Variants in CPVL observed in about 807,000 individuals in gnomAD.
The protein encoded by CPVL is probable serine carboxypeptidase CPVL.
CPVL carries 51 observed loss-of-function variants against 63.7 expected under a neutral mutation model. That is an observed-to-expected ratio of 0.80 (90% CI 0.64 to 1.01). The LOEUF is 1.01. CPVL is among the 50% of genes least tolerant of loss of function. The pLI, the probability that CPVL is intolerant of heterozygous loss-of-function variation, is 0.00. For missense variants in CPVL, 530 were observed against 573.1 expected, an observed-to-expected ratio of 0.92 and a Z score of 0.77; for synonymous variants, 195 against 206.0, an observed-to-expected ratio of 0.95 and a Z score of 0.46.
At chr7:29,194,904 C>G (rs1783451672) in intron 1 of CPVL, 1 of 1,506,960 alleles carries the variant, frequency 6.6e-7, no homozygotes, top group Non-Finnish European at 8.8e-7. Flanking sequence ...GCGTCCGCAC[C>G]GGGGCTGAGC....
At chr7:29,105,577 G>C (rs1584276676) in intron 3 of CPVL, among the ~76,000 whole-genome samples, 2 of 152,294 alleles carry the variant, frequency 1.3e-5, no homozygotes, top group East Asian at 3.9e-4. Context: ...CAGGGCTGGA[G>C]AAAGATTTAG....
In CPVL at chr7:29,127,419, TACAA is replaced by T. The variant is rs981770755; in HGVS notation, c.-10-6352_-10-6349del. On this transcript the variant is annotated intron_variant, in intron 1 of 12. Transcript: ENST00000265394. The stretch of plus-strand genomic sequence containing the variant: ...TATTTCTAACCAGGAAGGTAAGGGT[TACAA>T]ACAACCTTACCTTGTCATCTCATTT... 6 of 152,312 alleles carry T rather than the reference TACAA, an allele frequency of 3.9e-5. No homozygotes were observed. In the East Asian group the frequency reaches 5.8e-4, roughly 15 times the overall value. 9.4% of individuals were successfully genotyped at this position (152,312 alleles called of 1,614,324 possible).
intron 5 of CPVL, among the ~76,000 whole-genome samples, chr7:29,159,112 A>G (rs539349389): frequency 5.3e-5 from 8 of 152,240 alleles, no homozygotes; most frequent in African/African-American, 1.2e-4. Flanking sequence ...CTAATGGGCT[A>G]CACAGCACAA....
In CPVL at chr7:29,066,051, C is replaced by T. The variant is rs969664033; in HGVS notation, c.935G>A (p.Ser312Asn). 1.4e-5 allele frequency: 22 copies of T among 1,606,864 alleles called. No homozygotes were observed. The highest frequency in any genetic ancestry group is 3.4e-5 in the Admixed American group (2 of 59,596). Reference sequence around the variant, plus strand: ...GCACCGCAAAAAGTTATAGTAATTACTACATCCTGTAACATTCTGGAAGTA... The same window carrying T: ...GCACCGCAAAAAGTTATAGTAATTATTACATCCTGTAACATTCTGGAAGTA... The part of the protein sequence containing the change: ...PSYFQNVTGC[S>N]NYYNFLRCTE... The change falls in exon 10 of 13, where the codon AGT becomes AAT. Residue 312 changes from serine (S) to asparagine (N), a missense_variant. Physicochemically the swap from Ser to Asn is conservative, Grantham distance 46. Coordinates refer to ENST00000265394, the MANE Select transcript of CPVL (RefSeq NM_031311.5).
chr7:29,183,225 C>T (rs567209819), intron 4 of CPVL, among the ~76,000 whole-genome samples: 1 of 152,064 alleles, frequency 6.6e-6, no homozygotes, highest in East Asian at 1.9e-4. Context: ...GCTGGGGTTA[C>T]AGGCATATGC....
intron 11 of CPVL, among the ~76,000 whole-genome samples, chr7:29,043,739 A>G (rs917175171): frequency 6.6e-6 from 1 of 152,210 alleles, no homozygotes; most frequent in African/African-American, 2.4e-5. Flanking sequence ...TCATGGCAGG[A>G]GTGTGGGTGG....
intron 1 of CPVL, 27 bp downstream of exon 1, chr7:29,146,402 G>T: frequency 1.1e-6 from 1 of 896,874 alleles, no homozygotes. Context: ...GAGCTGGCAC[G>T]ACCCACGCAG....
chr7:29,100,726 G>A (rs1412476119), intron 3 of CPVL, among the ~76,000 whole-genome samples: 1 of 152,190 alleles, frequency 6.6e-6, no homozygotes, highest in Non-Finnish European at 1.5e-5. Flanking sequence ...CACACCTCCA[G>A]CCTCAGCTGA....
chr7:29,194,954 A>G (rs1195057080), intron 1 of CPVL: 2 of 1,576,176 alleles, frequency 1.3e-6, no homozygotes, highest in African/African-American at 1.4e-5. Context: ...GGCAGCGTCC[A>G]GCAACTCCAG....
chr7:28,997,798 T>C (rs373112997), intron 12 of CPVL, among the ~76,000 whole-genome samples: 6 of 152,358 alleles, frequency 3.9e-5, no homozygotes, highest in South Asian at 2.1e-4. Flanking sequence ...CTGAGGTTTA[T>C]TGATGAAAAA....
At chr7:29,142,527 A>AGTT (rs1792002165) in intron 1 of CPVL, among the ~76,000 whole-genome samples, 4 of 29,036 alleles carry the variant, frequency 1.4e-4, no homozygotes, top group Admixed American at 8.6e-4. Flanking sequence ...ACTTCCAGAT[A>AGTT]CTTTTTTTTT....
At chr7:29,055,733 A>G (rs545844592) in intron 11 of CPVL, among the ~76,000 whole-genome samples, 2 of 152,344 alleles carry the variant, frequency 1.3e-5, no homozygotes, top group South Asian at 4.1e-4. Context: ...ACTGGTTCTC[A>G]GGGCCACCCT....
In CPVL at chr7:29,047,628, C is replaced by T. The variant is rs575172330; in HGVS notation, c.1137+16433G>A. On this transcript the variant is annotated intron_variant, in intron 11 of 12. Transcript: ENST00000265394. ...TGGAAAAGAGATTTGGGGGAATAAT[C>T]GAGGAAAACTTCCCTGGCCTTGCTA... Among the ~76,000 whole-genome samples the T allele has an allele frequency of 2.6e-5, 4 of 152,228 alleles. No individual in the cohort carries two copies. In the South Asian group the frequency reaches 6.2e-4, roughly 24 times the overall value.
intron 3 of CPVL, among the ~76,000 whole-genome samples, chr7:29,101,813 T>C (rs1405116269): frequency 6.6e-6 from 1 of 152,164 alleles, no homozygotes; most frequent in East Asian, 1.9e-4. Flanking sequence ...CATATAGACA[T>C]ATCCTATAGC....
chr7:29,078,859 A>G (rs1784449345), intron 7 of CPVL, among the ~76,000 whole-genome samples: 1 of 152,346 alleles, frequency 6.6e-6, no homozygotes, highest in African/African-American at 2.4e-5. Context: ...TTTTTGTAAT[A>G]TTAAAATCAT....
At chr7:29,077,578 C>G (rs936304219) in intron 7 of CPVL, among the ~76,000 whole-genome samples, 1 of 152,130 alleles carries the variant, frequency 6.6e-6, no homozygotes, top group Non-Finnish European at 1.5e-5. Context: ...CCACTCTCCC[C>G]AGCTACACAG....
intron 9 of CPVL, among the ~76,000 whole-genome samples, chr7:29,069,936 C>T (rs1783579327): frequency 1.3e-5 from 2 of 152,106 alleles, no homozygotes; most frequent in East Asian, 1.9e-4. Context: ...GAGCGTCAAA[C>T]AGGCTTTATC....
chr7:29,149,420 C>T (rs950869472), upstream of CPVL, among the ~76,000 whole-genome samples: 20 of 152,080 alleles, frequency 1.3e-4, no homozygotes, highest in African/African-American at 4.8e-4. Flanking sequence ...TCTCGAACTC[C>T]TGACCGCAAG....
upstream of CPVL, chr7:29,146,772 G>T (rs1792756344): frequency 3.9e-6 from 6 of 1,548,976 alleles, no homozygotes; most frequent in Non-Finnish European, 5.2e-6. Flanking sequence ...GTTTTATTTT[G>T]ATTTTGTCTC....
Sources: gnomAD v4.1 joint callset for allele counts (sites outside exome capture counted in the v4.1 genomes callset) on GRCh38, gnomAD v4.1.1 for gene constraint, MANE v1.5 for transcripts, NCBI Gene and HGNC (gene_info 2026-07-23, HGNC 2026-07-21) for gene names.